The following CRHR1 variants were observed in gnomAD, a reference collection of about 807,000 sequenced individuals.
The protein encoded by CRHR1 is corticotropin-releasing hormone receptor 1.
In CRHR1, 28 loss-of-function variants were observed where a neutral mutation model predicts 56.0. The observed-to-expected ratio is 0.50, with a 90% CI of 0.37 to 0.69. CRHR1 has a LOEUF of 0.69. CRHR1 is among the 30% of genes least tolerant of loss of function. CRHR1 has a pLI of 0.00. For missense variants in CRHR1, 376 were observed against 548.0 expected (o/e 0.69, Z 3.13); for synonymous variants, 195 against 216.5 (o/e 0.90, Z 0.87).
rs914221947 is a variant in CRHR1, at chr17:45,791,065, T to C, written c.33+6488T>C. 1.1e-4 allele frequency among the ~76,000 whole-genome samples: 17 copies of C among 152,144 alleles called. No individual in the cohort carries two copies. The South Asian group carries it at 1.2e-3, about 11-fold the overall frequency. On this transcript the variant is annotated intron_variant, in intron 1 of 12. Transcript: ENST00000314537. Reference sequence around the variant, plus strand: ...GGGAGTGCCCTCCCTCTGTGATCCATCCACCTCTCCCTCCCTGTTTTCCCA... The same window carrying C: ...GGGAGTGCCCTCCCTCTGTGATCCACCCACCTCTCCCTCCCTGTTTTCCCA...
Position 45,834,931 on chromosome 17 carries a change from C to A in CRHR1, c.*167C>A. 1.1e-6 allele frequency: 1 copy of A among 918,858 alleles called. No individual in the cohort carries two copies. Among genetic ancestry groups the A allele is most frequent in the South Asian group, 1.7e-5 (1 of 59,442 alleles). 56.9% of individuals were successfully genotyped at this position (918,858 alleles called of 1,614,324 possible). On this transcript the variant is annotated 3_prime_UTR_variant, in exon 13 of 13. Coordinates refer to ENST00000314537, the MANE Select transcript of CRHR1 (RefSeq NM_004382.5). ...GGGCCGCTCTCCCCCTGCAGCCGTG[C>A]AGGACTCTAGCTCATGAGTGGAAAG...
intron 1 of CRHR1, among the ~76,000 whole-genome samples, chr17:45,803,628 C>T (rs371463886): frequency 3.3e-4 from 50 of 152,172 alleles, no homozygotes; most frequent in African/African-American, 1.1e-3. Flanking sequence ...TCAGGTGATC[C>T]GCCTGCCTTG....
chr17:45,816,410 TG>T (rs58609633), intron 2 of CRHR1, 52 bp from the exon 3 acceptor site: 1 of 1,061,232 alleles, frequency 9.4e-7, no homozygotes. Context: ...TCTGCCTGCC[TG>T]GGGCCTTGGC....
chr17:45,819,527 G>T (rs2143102280), intron 3 of CRHR1, among the ~76,000 whole-genome samples: 1 of 148,758 alleles, frequency 6.7e-6, no homozygotes, highest in East Asian at 2.0e-4. Context: ...AGCAGCCTCT[G>T]GTCCCGGGAC....
intron 2 of CRHR1, among the ~76,000 whole-genome samples, chr17:45,808,716 A>G (rs771375519): frequency 6.6e-6 from 1 of 152,218 alleles, no homozygotes; most frequent in African/African-American, 2.4e-5. Flanking sequence ...TGGCACAATC[A>G]TAGTTTAGTG....
At position 45,835,567 on chromosome 17, in the gene CRHR1, C is replaced by G. The variant is rs1282888043; in HGVS notation, c.*803C>G. On this transcript the variant is annotated 3_prime_UTR_variant, in exon 13 of 13. Coordinates refer to ENST00000314537, the MANE Select transcript of CRHR1 (RefSeq NM_004382.5). ...GCCAGGGGTGTCCCAGTCCCAGCCTCTGGGGCAGAGCTTGTAGCCCTGGAT... is the reference window on the plus strand; with the variant it reads ...GCCAGGGGTGTCCCAGTCCCAGCCTGTGGGGCAGAGCTTGTAGCCCTGGAT... The G allele has an allele frequency of 6.6e-6, 1 of 152,304 alleles. No homozygotes were observed. The allele number at this position is 152,304 out of a possible 1,614,324, so 9.4% of individuals were successfully genotyped here.
chr17:45,808,300 A>C (rs2061756654), intron 2 of CRHR1, among the ~76,000 whole-genome samples: 2 of 152,358 alleles, frequency 1.3e-5, no homozygotes, highest in African/African-American at 4.8e-5. Context: ...GGAGGCCTCC[A>C]CATCTCATGG....
At chr17:45,828,337 G>C (rs900063694) in intron 4 of CRHR1, among the ~76,000 whole-genome samples, 11 of 152,330 alleles carry the variant, frequency 7.2e-5, no homozygotes, top group African/African-American at 2.4e-4. Flanking sequence ...GACCTCCAGC[G>C]CGTCAGCATA....
intron 1 of CRHR1, among the ~76,000 whole-genome samples, chr17:45,795,950 C>T (rs1051701605): frequency 1.8e-4 from 27 of 152,266 alleles, no homozygotes; most frequent in African/African-American, 5.3e-4. Context: ...AGAAGGCAGT[C>T]GTTTTTCCAG....
At chr17:45,829,165 C>A in intron 4 of CRHR1, 50 bp from the exon 5 acceptor site, 3 of 1,433,004 alleles carry the variant, frequency 2.1e-6, no homozygotes, top group African/African-American at 1.4e-5. Context: ...CCTCACAGAG[C>A]AGCTCCCATC....
chr17:45,799,606 G>C (rs2061583359), intron 1 of CRHR1: 1 of 152,304 alleles, frequency 6.6e-6, no homozygotes, highest in African/African-American at 2.4e-5. Context: ...CCAGCAGATG[G>C]AAAGTGTGGG....
chr17:45,791,029 C>T (rs1245388136), intron 1 of CRHR1, among the ~76,000 whole-genome samples: 1 of 152,214 alleles, frequency 6.6e-6, no homozygotes, highest in African/African-American at 2.4e-5. Context: ...GCAGCATTGC[C>T]ATTTCCAGTG....
At chr17:45,807,836 C>T (rs2061748175) in intron 2 of CRHR1, among the ~76,000 whole-genome samples, 1 of 152,188 alleles carries the variant, frequency 6.6e-6, no homozygotes, top group African/African-American at 2.4e-5. Context: ...AACGTTTGTA[C>T]AGTTGAGGAA....
At chr17:45,804,587 A>C (rs2061686243) in intron 1 of CRHR1, among the ~76,000 whole-genome samples, 1 of 151,996 alleles carries the variant, frequency 6.6e-6, no homozygotes, top group African/African-American at 2.4e-5. Context: ...CCGGCAGGTG[A>C]ACATGGAAAA....
At chr17:45,832,056 AC>A (rs2062322821) in intron 8 of CRHR1, among the ~76,000 whole-genome samples, 1 of 151,126 alleles carries the variant, frequency 6.6e-6, no homozygotes, top group Non-Finnish European at 1.5e-5. Context: ...CCCCGTATCT[AC>A]TAAAAAAAAA....
chr17:45,835,135 C>G lies in CRHR1; in HGVS notation c.*371C>G, dbSNP rs1436544130. On this transcript the variant is annotated 3_prime_UTR_variant, in exon 13 of 13. Transcript: ENST00000314537. ...GCCAGCCCACTGGGCCCTGGGGCTG[C>G]CCTCGGCAACCGTGGGGAGGCCATT... The G allele has an allele frequency of 8.4e-6, 2 of 239,248 alleles. No individual in the cohort carries two copies. The highest frequency in any genetic ancestry group is 1.6e-5 in the Non-Finnish European group (2 of 123,930). 14.8% of individuals were successfully genotyped at this position (239,248 alleles called of 1,614,324 possible). A position where few individuals can be genotyped will look rare whatever the true frequency, so the allele number is the denominator to read the frequency against.
chr17:45,834,618 C>T lies in CRHR1; in HGVS notation c.1108-6C>T, dbSNP rs749927918. 1.2e-6 allele frequency: 2 copies of T among 1,607,294 alleles called. No homozygotes were observed. The highest frequency in any genetic ancestry group is 4.5e-5 in the East Asian group (2 of 44,734). On this transcript the variant is annotated splice_polypyrimidine_tract_variant and splice_region_variant and intron_variant, in intron 12 of 12. Coordinates refer to ENST00000314537, the MANE Select transcript of CRHR1 (RefSeq NM_004382.5). ...TCAGATGTCGTGCTCCTCCCTGTGC[C>T]CACAGGTCCGTTCTGCCATCCGGAA...
intron 1 of CRHR1, among the ~76,000 whole-genome samples, chr17:45,785,292 C>A (rs1285359067): frequency 6.6e-6 from 1 of 152,252 alleles, no homozygotes; most frequent in African/African-American, 2.4e-5. Flanking sequence ...CGTCCAGCGT[C>A]TGCCCGCTGA....
At chr17:45,833,251 G>T (rs769412850) in intron 9 of CRHR1, 41 bp downstream of exon 9, 1 of 1,600,664 alleles carries the variant, frequency 6.2e-7, no homozygotes, top group South Asian at 1.1e-5. Flanking sequence ...GCCCAGTGGG[G>T]AGGGGCAATC....
Sources: allele counts gnomAD v4.1 joint callset (sites outside exome capture counted in the v4.1 genomes callset), GRCh38; gene constraint gnomAD v4.1.1; transcripts MANE v1.5; gene names NCBI Gene and HGNC (gene_info 2026-07-23, HGNC 2026-07-21).